Variants in WASF3 observed in about 807,000 individuals in gnomAD.
WASF3 encodes WASP family member 3, also known as actin-binding protein WASF3.
Under a neutral mutation model 46.6 loss-of-function variants are expected in WASF3, and 11 were observed. The ratio of observed to expected loss-of-function variants is 0.24; its 90% CI spans 0.15 to 0.39. The LOEUF is 0.39. Among genes scored for constraint, WASF3 ranks in the 10% least tolerant of loss-of-function variants. The pLI, the probability that WASF3 is intolerant of heterozygous loss-of-function variation, is 1.00. For synonymous variants in WASF3, 242 were observed against 259.7 expected (o/e 0.93, Z 0.65); for missense variants, 576 against 669.8 (o/e 0.86, Z 1.55).
intron 1 of WASF3, among the ~76,000 whole-genome samples, chr13:26,603,002 C>T (rs1880686329): frequency 6.6e-6 from 1 of 152,078 alleles, no homozygotes; most frequent in Admixed American, 6.6e-5. Flanking sequence ...TATTTTAGCC[C>T]AGGATATTTG....
chr13:26,682,807 C>T lies in WASF3; in HGVS notation c.1184C>T (p.Pro395Leu), dbSNP rs747066323. Residue 395 changes from proline (P) to leucine (L), a missense_variant, in exon 9 of 10, where the codon CCG becomes CTG. Transcript: ENST00000335327. This position sits in a 1 kb window ranked among gnomAD's most constrained non-coding sequence, Gnocchi z 4.4. ...PPSTGLLVTAPPPPGPPPPPP... is the reference protein window; with the variant it reads ...PPSTGLLVTALPPPGPPPPPP... Reference sequence around the variant, plus strand: ...TCCACCGGGCTCCTGGTCACAGCCCCGCCACCCCCGGGCCCACCACCTCCC... The same window carrying T: ...TCCACCGGGCTCCTGGTCACAGCCCTGCCACCCCCGGGCCCACCACCTCCC... 69 of 1,610,476 alleles carry T rather than the reference C, an allele frequency of 4.3e-5. No individual in the cohort carries two copies. Among genetic ancestry groups the T allele is most frequent in the Non-Finnish European group, 5.2e-5 (61 of 1,179,792 alleles).
chr13:26,641,405 A>G (rs1881993357), intron 2 of WASF3: 1 of 152,164 alleles, frequency 6.6e-6, no homozygotes, highest in African/African-American at 2.4e-5. Context: ...AGGTGTACCA[A>G]AATGCCAGAG....
chr13:26,680,524 A>G (rs184984620), intron 7 of WASF3, among the ~76,000 whole-genome samples: 151 of 152,322 alleles, frequency 9.9e-4, no homozygotes, highest in Non-Finnish European at 1.6e-3. Context: ...AGTGCACCGC[A>G]TTGCTTTCTG....
chr13:26,659,845 G>A (rs1214925202), intron 3 of WASF3, among the ~76,000 whole-genome samples: 4 of 152,248 alleles, frequency 2.6e-5, no homozygotes, highest in South Asian at 2.1e-4. Context: ...GGGGAAGATG[G>A]GAGAGAAGCA....
chr13:26,634,964 C>T (rs11838703), intron 2 of WASF3, among the ~76,000 whole-genome samples: 36,247 of 151,972 alleles, frequency 0.24, 4,953 homozygotes, highest in Non-Finnish European at 0.32. Flanking sequence ...AATTATGTGT[C>T]TTGGGGTTGC....
intron 1 of WASF3, among the ~76,000 whole-genome samples, chr13:26,593,299 G>A (rs534875989): frequency 1.3e-5 from 2 of 152,264 alleles, no homozygotes; most frequent in East Asian, 3.9e-4. Flanking sequence ...ACTGCTTGCC[G>A]GTGCCTCCTG....
intron 9 of WASF3, among the ~76,000 whole-genome samples, chr13:26,684,860 A>G (rs67769230): frequency 0.048 from 7,251 of 152,298 alleles, 422 homozygotes; most frequent in African/African-American, 0.14. Context: ...AAATTATTTC[A>G]AAACAGTTAA....
At chr13:26,563,654 CAA>C (rs34374716) in intron 1 of WASF3, among the ~76,000 whole-genome samples, 1,731 of 46,756 alleles carry the variant, frequency 0.037, 27 homozygotes, top group African/African-American at 0.14. Flanking sequence ...GACTCCATCT[CAA>C]AAAAAAAAAA....
intron 7 of WASF3, 60 bp from the exon 8 acceptor site, chr13:26,680,994 G>A: frequency 6.4e-7 from 1 of 1,554,208 alleles, no homozygotes. Context: ...CCATGTGCCT[G>A]TTAGCCGACA....
chr13:26,597,270 T>G (rs1466779887), intron 1 of WASF3, among the ~76,000 whole-genome samples: 1 of 152,174 alleles, frequency 6.6e-6, no homozygotes, highest in African/African-American at 2.4e-5. Context: ...GTAGTTGGAA[T>G]TAACAGGTGT....
intron 9 of WASF3, among the ~76,000 whole-genome samples, chr13:26,683,205 CTCATGCCTGTAA>C (rs1449265680): frequency 3.3e-5 from 5 of 152,142 alleles, no homozygotes; most frequent in Non-Finnish European, 7.4e-5. Context: ...GCGCGGTGGG[CTCATGCCTGTAA>C]TCCCAGCACT....
intron 1 of WASF3, chr13:26,576,864 T>C: frequency 1.6e-6 from 1 of 642,828 alleles, no homozygotes; most frequent in East Asian, 3.1e-5. Context: ...AAAACCGCCC[T>C]TTTGGCTCTC....
intron 2 of WASF3, among the ~76,000 whole-genome samples, chr13:26,613,485 G>A (rs1881039752): frequency 6.6e-6 from 1 of 152,142 alleles, no homozygotes; most frequent in Admixed American, 6.5e-5. Flanking sequence ...AACCTAATCA[G>A]TTGGCCGGAC....
chr13:26,603,158 G>A (rs374447738), intron 1 of WASF3, among the ~76,000 whole-genome samples: 14 of 152,232 alleles, frequency 9.2e-5, no homozygotes, highest in African/African-American at 3.4e-4. Context: ...TAAGCTGAAG[G>A]TAAAAAAGAC....
chr13:26,622,369 T>A (rs562794152), intron 2 of WASF3, among the ~76,000 whole-genome samples: 1 of 152,362 alleles, frequency 6.6e-6, no homozygotes, highest in Admixed American at 6.5e-5. Context: ...TTTTAAAATA[T>A]GTAATAAAGA....
chr13:26,646,633 T>C (rs1398094147), intron 3 of WASF3, among the ~76,000 whole-genome samples: 1 of 152,152 alleles, frequency 6.6e-6, no homozygotes, highest in Non-Finnish European at 1.5e-5. Context: ...CTGTAAGTGA[T>C]ACAGAGGGGG....
intron 1 of WASF3, among the ~76,000 whole-genome samples, chr13:26,578,457 A>G (rs760176035): frequency 6.6e-6 from 1 of 152,164 alleles, no homozygotes; most frequent in Non-Finnish European, 1.5e-5. Flanking sequence ...TGTTTGCAAT[A>G]TGGCCTACTT....
At chr13:26,657,504 G>A (rs1882501138) in intron 3 of WASF3, among the ~76,000 whole-genome samples, 1 of 152,164 alleles carries the variant, frequency 6.6e-6, no homozygotes, top group Non-Finnish European at 1.5e-5. Context: ...CAACTCTTGA[G>A]AAGCCTCTCC....
intron 9 of WASF3, among the ~76,000 whole-genome samples, chr13:26,683,644 A>AG (rs1883312806): frequency 6.6e-6 from 1 of 152,182 alleles, no homozygotes; most frequent in Non-Finnish European, 1.5e-5. Context: ...TTTAAAAAAA[A>AG]AAAAGAGTTT....
Sources: allele counts gnomAD v4.1 joint callset (sites outside exome capture counted in the v4.1 genomes callset), GRCh38; gene constraint gnomAD v4.1.1; non-coding constraint Gnocchi (gnomAD v3.1); transcripts MANE v1.5; gene names NCBI Gene and HGNC (gene_info 2026-07-23, HGNC 2026-07-21).